Variants in RIMS1 observed in about 807,000 individuals in gnomAD.
The protein encoded by RIMS1 is regulating synaptic membrane exocytosis protein 1.
RIMS1 carries 83 observed loss-of-function variants against 214.1 expected under a neutral mutation model. That is an observed-to-expected ratio of 0.39 (90% CI 0.32 to 0.47). The LOEUF is 0.47. Among genes scored for constraint, RIMS1 ranks in the 20% least tolerant of loss-of-function variants. The pLI is 0.99. For missense variants in RIMS1, 2,050 were observed against 2,161.8 expected (o/e 0.95, Z 1.03); for synonymous variants, 793 against 786.8 (o/e 1.01, Z -0.13).
chr6:72,343,492 C>CTTTTTTTTTT (rs764125827), intron 29 of RIMS1, among the ~76,000 whole-genome samples: 136 of 57,302 alleles, frequency 2.4e-3, no homozygotes, highest in East Asian at 4.9e-3. Flanking sequence ...TCTTCTTCTT[C>CTTTTTTTTTT]TTTTTTTTTT....
At chr6:72,019,155 C>T (rs1462719187) in intron 2 of RIMS1, among the ~76,000 whole-genome samples, 4 of 151,376 alleles carry the variant, frequency 2.6e-5, no homozygotes, top group Non-Finnish European at 5.9e-5. Flanking sequence ...ATGATAACTC[C>T]AAACCCATAG....
chr6:72,019,094 T>G (rs1813721946), intron 2 of RIMS1, among the ~76,000 whole-genome samples: 1 of 152,210 alleles, frequency 6.6e-6, no homozygotes, highest in Admixed American at 6.5e-5. Context: ...TGGCTCTTAC[T>G]ATATTTTCAT....
At chr6:72,321,903 C>G (rs1001805102) in intron 28 of RIMS1, among the ~76,000 whole-genome samples, 1 of 152,084 alleles carries the variant, frequency 6.6e-6, no homozygotes, top group African/African-American at 2.4e-5. Flanking sequence ...TCAAAGAGAA[C>G]TCATGATCAC....
chr6:71,921,502 C>T (rs73545363), intron 1 of RIMS1, among the ~76,000 whole-genome samples: 55 of 152,298 alleles, frequency 3.6e-4, no homozygotes, highest in African/African-American at 1.3e-3. Context: ...ACTTTACAGA[C>T]AATTGTTCTG....
chr6:72,187,901 A>G (rs1011869206), intron 6 of RIMS1, among the ~76,000 whole-genome samples: 1 of 152,166 alleles, frequency 6.6e-6, no homozygotes, highest in South Asian at 2.1e-4. Flanking sequence ...ATTGACTCAC[A>G]GGGTCACAAG....
At chr6:72,271,319 T>TATATATA (rs2083274545) in intron 22 of RIMS1, among the ~76,000 whole-genome samples, 1 of 127,402 alleles carries the variant, frequency 7.8e-6, no homozygotes, top group African/African-American at 2.7e-5. Context: ...ATATATATGT[T>TATATATA]AATTAAAATA....
intron 28 of RIMS1, among the ~76,000 whole-genome samples, chr6:72,329,552 T>C (rs1311853718): frequency 6.6e-6 from 1 of 151,690 alleles, no homozygotes; most frequent in African/African-American, 2.4e-5. Flanking sequence ...TTTTTCAAAT[T>C]AACATCTAAC....
At chr6:72,213,328 C>T in intron 6 of RIMS1, 2 of 1,043,426 alleles carry the variant, frequency 1.9e-6, no homozygotes, top group Admixed American at 2.9e-5. Context: ...TATTTCTATT[C>T]TCTGTGTGTC....
intron 16 of RIMS1, among the ~76,000 whole-genome samples, chr6:72,254,321 GCT>G (rs989775108): frequency 2.6e-5 from 4 of 152,022 alleles, no homozygotes; most frequent in African/African-American, 9.7e-5. Flanking sequence ...ATTCACTTTT[GCT>G]CTCTGTTTTT....
At chr6:71,910,691 T>C (rs1253967027) in intron 1 of RIMS1, among the ~76,000 whole-genome samples, 1 of 152,202 alleles carries the variant, frequency 6.6e-6, no homozygotes, top group Non-Finnish European at 1.5e-5. Flanking sequence ...GCATACGTAC[T>C]GTGTGCCTCT....
At chr6:72,178,399 C>T (rs1307661883) in intron 4 of RIMS1, among the ~76,000 whole-genome samples, 2 of 152,098 alleles carry the variant, frequency 1.3e-5, no homozygotes, top group African/African-American at 4.8e-5. Flanking sequence ...TTCATTTGAC[C>T]TACTAAACAA....
chr6:72,290,786 C>G lies in RIMS1; in HGVS notation c.3662C>G (p.Ser1221Cys), dbSNP rs1349258864. 6 of 1,613,732 alleles carry G rather than the reference C, an allele frequency of 3.7e-6. No homozygotes were observed. The highest frequency in any genetic ancestry group is 4.2e-6 in the Non-Finnish European group (5 of 1,179,810). Reference sequence around the variant, plus strand: ...GCTCGCTCAAGGTCGAGTGAGCACTCTAGTATCAGAACACTGTGTTCTATG... The same window carrying G: ...GCTCGCTCAAGGTCGAGTGAGCACTGTAGTATCAGAACACTGTGTTCTATG... Reference protein sequence around the residue: ...HPARSRSSEHSSIRTLCSMHH... With the variant: ...HPARSRSSEHCSIRTLCSMHH... The change falls in exon 25 of 34, where the codon TCT becomes TGT. Residue 1221 changes from serine (S) to cysteine (C), a missense_variant. Coordinates refer to ENST00000521978, the MANE Select transcript of RIMS1 (RefSeq NM_014989.7).
At chr6:71,887,708 C>A (rs911575768) in intron 1 of RIMS1, among the ~76,000 whole-genome samples, 1 of 152,002 alleles carries the variant, frequency 6.6e-6, no homozygotes, top group Non-Finnish European at 1.5e-5. Context: ...TTTTAGTAAT[C>A]ATTCATCTCA....
chr6:71,944,143 C>T (rs1413540597), intron 1 of RIMS1, among the ~76,000 whole-genome samples: 1 of 152,128 alleles, frequency 6.6e-6, no homozygotes, highest in Non-Finnish European at 1.5e-5. Context: ...AATGTAAAAT[C>T]TAAGATGAAT....
chr6:72,400,804 G>C lies in RIMS1; in HGVS notation c.*90G>C. On this transcript the variant is annotated 3_prime_UTR_variant, in exon 34 of 34. Transcript: ENST00000521978. Reference sequence around the variant, plus strand: ...TTTCATGATCGAAAGCATTGTTGGAGACAGACAATCAACTTGTGTTTTGCC... The same window carrying C: ...TTTCATGATCGAAAGCATTGTTGGACACAGACAATCAACTTGTGTTTTGCC... 9.4e-7 allele frequency: 1 copy of C among 1,060,808 alleles called. No individual in the cohort carries two copies. Among genetic ancestry groups the C allele is most frequent in the South Asian group, 1.6e-5 (1 of 61,854 alleles). 65.7% of individuals were successfully genotyped at this position (1,060,808 alleles called of 1,614,324 possible). A position where few individuals can be genotyped will look rare whatever the true frequency, so the allele number is the denominator to read the frequency against.
chr6:72,163,115 T>C (rs1054070213), intron 4 of RIMS1, among the ~76,000 whole-genome samples: 5 of 139,736 alleles, frequency 3.6e-5, no homozygotes, highest in African/African-American at 1.2e-4. Flanking sequence ...TCTAATCTTC[T>C]CTTCTCACTT....
intron 19 of RIMS1, chr6:72,263,167 G>A: frequency 2.0e-6 from 2 of 984,578 alleles, no homozygotes; most frequent in Non-Finnish European, 2.4e-6. Flanking sequence ...GCAACTGAAA[G>A]TGTCTACCTT....
intron 2 of RIMS1, among the ~76,000 whole-genome samples, chr6:71,986,240 G>C (rs1652350939): frequency 6.7e-6 from 1 of 150,164 alleles, no homozygotes; most frequent in Non-Finnish European, 1.5e-5. Context: ...AGAGATACTA[G>C]GTCTTTTCTC....
intron 29 of RIMS1, among the ~76,000 whole-genome samples, chr6:72,365,049 T>C (rs75125932): frequency 0.013 from 1,978 of 152,316 alleles, 22 homozygotes; most frequent in African/African-American, 0.031. Context: ...GCTCCCGTAG[T>C]TTTCTACCCA....
Sources: allele counts gnomAD v4.1 joint callset (sites outside exome capture counted in the v4.1 genomes callset), GRCh38; gene constraint gnomAD v4.1.1; transcripts MANE v1.5; gene names NCBI Gene and HGNC (gene_info 2026-07-23, HGNC 2026-07-21).